UBE2E2: variants seen among roughly 807,000 people sequenced by gnomAD.
The protein encoded by UBE2E2 is ubiquitin conjugating enzyme E2 E2, also known as ubiquitin-conjugating enzyme E2 E2.
Under a neutral mutation model 24.7 loss-of-function variants are expected in UBE2E2, and 6 were observed. The ratio of observed to expected loss-of-function variants is 0.24; its 90% confidence interval spans 0.13 to 0.48. The LOEUF is 0.48. UBE2E2 is among the 20% of genes least tolerant of loss of function. The pLI, the probability that UBE2E2 is intolerant of heterozygous loss-of-function variation, is 0.99. For synonymous variants in UBE2E2, 104 were observed against 83.6 expected, an observed-to-expected ratio of 1.24 and a Z score of -1.33; for missense variants, 169 against 245.0, an observed-to-expected ratio of 0.69 and a Z score of 2.07.
chr3:23,462,680 A>T (rs1370943655), intron 3 of UBE2E2, among the ~76,000 whole-genome samples: 1 of 152,144 alleles, frequency 6.6e-6, no homozygotes, highest in East Asian at 1.9e-4. Flanking sequence ...TCTACGTCAG[A>T]TTTCAATGTG....
chr3:23,589,757 G>A lies in UBE2E2; in HGVS notation c.532G>A (p.Ala178Thr), dbSNP rs1340518299. ...AGCTGACCCTCTGGTGGGCAGCATC[G>A]CCACACAGTACATGACCAACAGAGC... is the stretch of plus-strand genomic sequence containing the variant. ...NPADPLVGSIATQYMTNRAEH... is the reference protein window; with the variant it reads ...NPADPLVGSITTQYMTNRAEH... The change falls in exon 6 of 6, where the codon GCC becomes ACC. Residue 178 changes from alanine to threonine, a missense_variant. This residue lies in a region of UBE2E2 where 105 missense variants were observed against 180.7 expected (regional missense o/e 0.58). Transcript: ENST00000396703. This position sits in a 1 kb window ranked among gnomAD's most constrained non-coding sequence, Gnocchi z 4.1. The A allele has an allele frequency of 2.5e-6, 4 of 1,613,946 alleles. No homozygotes were observed. Among genetic ancestry groups the A allele is most frequent in the South Asian group, 2.2e-5 (2 of 91,046 alleles).
At chr3:23,441,393 G>T (rs566366658) in intron 3 of UBE2E2, among the ~76,000 whole-genome samples, 1 of 136,798 alleles carries the variant, frequency 7.3e-6, no homozygotes, top group Non-Finnish European at 1.6e-5. Context: ...AAAAAAATTA[G>T]CTGGGCATGG....
In UBE2E2 at chr3:23,589,468, T is replaced by TGGA. The variant is rs1696710803; in HGVS notation, c.509-266_509-265insGGA. ...AATACGAGGGGAGCAAGGTGAGAAG[T>TGGA]ATGTGGTGGGTACAGGGAAAGAGAA... On this transcript the variant is annotated intron_variant, in intron 5 of 5. Coordinates refer to ENST00000396703, the MANE Select transcript of UBE2E2 (RefSeq NM_152653.4). The surrounding 1 kb of genome is among the most constrained non-coding windows in gnomAD (Gnocchi z 4.1). 6.7e-6 allele frequency among the ~76,000 whole-genome samples: 1 copy of TGGA among 149,426 alleles called. No individual in the cohort carries two copies. Among genetic ancestry groups the TGGA allele is most frequent in the African/African-American group, 2.5e-5 (1 of 40,634 alleles).
chr3:23,552,596 G>A (rs905546175), intron 5 of UBE2E2, among the ~76,000 whole-genome samples: 5 of 152,166 alleles, frequency 3.3e-5, no homozygotes, highest in African/African-American at 1.2e-4. Context: ...TAGCACAAAA[G>A]GAGGTGTACG....
At chr3:23,348,160 A>G (rs1236041077) in intron 3 of UBE2E2, among the ~76,000 whole-genome samples, 1 of 152,170 alleles carries the variant, frequency 6.6e-6, no homozygotes, top group Non-Finnish European at 1.5e-5. Context: ...GGAGGTCACT[A>G]TATCTCAATG....
intron 3 of UBE2E2, among the ~76,000 whole-genome samples, chr3:23,484,109 C>G (rs1360398449): frequency 3.9e-5 from 6 of 152,208 alleles, no homozygotes; most frequent in Admixed American, 3.9e-4. Context: ...CCTCAGCCAT[C>G]CTGGTATATC....
intron 1 of UBE2E2, 110 bp downstream of exon 1, chr3:23,203,574 C>G: frequency 3.1e-6 from 2 of 643,528 alleles, no homozygotes; most frequent in Non-Finnish European, 3.9e-6. Flanking sequence ...TCTGCTTACA[C>G]CGCTCGTGCC....
intron 3 of UBE2E2, among the ~76,000 whole-genome samples, chr3:23,291,670 T>A (rs1054804251): frequency 6.7e-6 from 1 of 149,468 alleles, no homozygotes; most frequent in Non-Finnish European, 1.5e-5. Flanking sequence ...ATTAATTCAT[T>A]CTATTTAAGG....
chr3:23,301,871 G>A (rs1017195711), intron 3 of UBE2E2, among the ~76,000 whole-genome samples: 4 of 152,270 alleles, frequency 2.6e-5, no homozygotes, highest in South Asian at 2.1e-4. Flanking sequence ...CTGTAGACGG[G>A]AGCTGTTCCT....
At chr3:23,452,106 G>A (rs1396843975) in intron 3 of UBE2E2, among the ~76,000 whole-genome samples, 1 of 152,146 alleles carries the variant, frequency 6.6e-6, no homozygotes, top group African/African-American at 2.4e-5. Flanking sequence ...TGAAAGTGGG[G>A]AAGAAAAAGG....
intron 3 of UBE2E2, among the ~76,000 whole-genome samples, chr3:23,435,495 C>T (rs1698158489): frequency 6.6e-6 from 1 of 152,186 alleles, no homozygotes; most frequent in African/African-American, 2.4e-5. Flanking sequence ...TGGCTGAACA[C>T]GTCAGTTGGG....
intron 3 of UBE2E2, among the ~76,000 whole-genome samples, chr3:23,441,908 C>T (rs536977225): frequency 1.8e-4 from 28 of 152,138 alleles, no homozygotes; most frequent in Middle Eastern, 6.8e-3. Flanking sequence ...CACTTATATT[C>T]AAAGACGTTT....
chr3:23,571,975 C>T (rs1050148038), intron 5 of UBE2E2, among the ~76,000 whole-genome samples: 3 of 152,192 alleles, frequency 2.0e-5, no homozygotes, highest in African/African-American at 4.8e-5. Context: ...CTGGCAGAGC[C>T]AGCTTATCTT....
intron 3 of UBE2E2, among the ~76,000 whole-genome samples, chr3:23,271,599 A>G (rs899079393): frequency 6.6e-6 from 1 of 152,114 alleles, no homozygotes; most frequent in Admixed American, 6.5e-5. Flanking sequence ...GTCCATTTTG[A>G]CAGGGTGTTG....
At chr3:23,245,104 A>G (rs1014666365) in intron 3 of UBE2E2, among the ~76,000 whole-genome samples, 2 of 152,158 alleles carry the variant, frequency 1.3e-5, no homozygotes, top group African/African-American at 2.4e-5. Flanking sequence ...TCATTAACCA[A>G]TATTTTAGGT....
intron 3 of UBE2E2, among the ~76,000 whole-genome samples, chr3:23,429,235 TAC>T (rs1176939996): frequency 6.6e-6 from 1 of 152,194 alleles, no homozygotes; most frequent in Non-Finnish European, 1.5e-5. Context: ...CAATTTTCTC[TAC>T]AGTCTTTTCT....
intron 3 of UBE2E2, among the ~76,000 whole-genome samples, chr3:23,366,436 G>T (rs190745931): frequency 6.6e-6 from 1 of 152,262 alleles, no homozygotes; most frequent in Admixed American, 6.5e-5. Flanking sequence ...ACCAGATAAT[G>T]CAGTATGGAT....
intron 3 of UBE2E2, among the ~76,000 whole-genome samples, chr3:23,494,309 A>T (rs533044837): frequency 6.6e-6 from 1 of 152,360 alleles, no homozygotes; most frequent in Non-Finnish European, 1.5e-5. Flanking sequence ...GCATATTTTC[A>T]TACATCTTTA....
chr3:23,301,846 G>A (rs535235737), intron 3 of UBE2E2, among the ~76,000 whole-genome samples: 2 of 152,300 alleles, frequency 1.3e-5, no homozygotes, highest in African/African-American at 4.8e-5. Context: ...TCTTCTGCGT[G>A]GCTGACACTG....
Sources: allele counts gnomAD v4.1 joint callset (sites outside exome capture counted in the v4.1 genomes callset), GRCh38; gene constraint gnomAD v4.1.1; regional missense constraint gnomAD v4.1.1; non-coding constraint Gnocchi (gnomAD v3.1); transcripts MANE v1.5; gene names NCBI Gene and HGNC (gene_info 2026-07-23, HGNC 2026-07-21).